The following RBMS3 variants were observed in gnomAD, a reference collection of about 807,000 sequenced individuals.
The protein encoded by RBMS3 is RNA binding motif single stranded interacting protein 3.
In RBMS3, 27 loss-of-function variants were observed where a neutral mutation model predicts 66.8. That is an observed-to-expected ratio of 0.40 (90% CI 0.30 to 0.56). The LOEUF (loss-of-function observed/expected upper bound fraction) is 0.56, where lower values mean the gene tolerates loss of function less well. Among genes scored for constraint, RBMS3 ranks in the 20% least tolerant of loss-of-function variants. The pLI is 0.40. For missense variants in RBMS3, 513 were observed against 549.5 expected (o/e 0.93, Z 0.66); for synonymous variants, 188 against 183.0 (o/e 1.03, Z -0.22).
chr3:29,833,607 T>G (rs151143763), intron 6 of RBMS3, among the ~76,000 whole-genome samples: 2 of 152,178 alleles, frequency 1.3e-5, no homozygotes, highest in African/African-American at 4.8e-5. Context: ...AACTTGAAGA[T>G]ATATCATTTG....
chr3:29,559,145 C>T (rs7653433), intron 3 of RBMS3, among the ~76,000 whole-genome samples: 1 of 151,898 alleles, frequency 6.6e-6, no homozygotes, highest in Non-Finnish European at 1.5e-5. Context: ...GTGATTATCT[C>T]TAGACTATAT....
chr3:29,826,974 A>G (rs538565879), intron 6 of RBMS3, among the ~76,000 whole-genome samples: 1 of 152,284 alleles, frequency 6.6e-6, no homozygotes, highest in South Asian at 2.1e-4. Flanking sequence ...GTTTGGTTGT[A>G]CAAGCCTTGA....
At position 29,839,595 on chromosome 3, in the gene RBMS3, A is replaced by G. The variant is rs543015359; in HGVS notation, c.638-29263A>G. Among the ~76,000 whole-genome samples, 4 of 151,776 alleles carry G rather than the reference A, an allele frequency of 2.6e-5. No homozygotes were observed. The East Asian group carries it at 7.7e-4, about 29-fold the overall frequency. ...CTCAGGAAAAAAAGAGAAAATAATAATAAAATAATAATTAGAATAATATTG... is the reference window on the plus strand; with the variant it reads ...CTCAGGAAAAAAAGAGAAAATAATAGTAAAATAATAATTAGAATAATATTG... On this transcript the variant is annotated intron_variant, in intron 6 of 14. Coordinates refer to ENST00000383767, the MANE Select transcript of RBMS3 (RefSeq NM_001003793.3).
At chr3:29,895,744 T>C (rs2149600181) in intron 8 of RBMS3, among the ~76,000 whole-genome samples, 1 of 151,622 alleles carries the variant, frequency 6.6e-6, no homozygotes, top group Non-Finnish European at 1.5e-5. Context: ...TAATTTTGGT[T>C]AGTATGGAGC....
At chr3:29,920,864 A>C (rs1396997040) in intron 10 of RBMS3, among the ~76,000 whole-genome samples, 1 of 151,952 alleles carries the variant, frequency 6.6e-6, no homozygotes, top group Non-Finnish European at 1.5e-5. Context: ...AAAAAAAAAA[A>C]AAAAAAAACC....
At chr3:29,682,089 C>T (rs376657812) in intron 4 of RBMS3, among the ~76,000 whole-genome samples, 18 of 152,304 alleles carry the variant, frequency 1.2e-4, no homozygotes, top group African/African-American at 4.3e-4. Context: ...CCACAACTTT[C>T]TTTGTGCTCA....
At chr3:29,459,312 G>A (rs965390732) in intron 2 of RBMS3, among the ~76,000 whole-genome samples, 12 of 152,132 alleles carry the variant, frequency 7.9e-5, no homozygotes, top group African/African-American at 4.8e-5. Flanking sequence ...AGAGGTAAGG[G>A]TTCTCTTCAT....
chr3:29,631,845 C>G (rs1428300379), intron 4 of RBMS3, among the ~76,000 whole-genome samples: 1 of 151,826 alleles, frequency 6.6e-6, no homozygotes, highest in East Asian at 1.9e-4. Flanking sequence ...GTTAACTTTT[C>G]AAAACTTCTT....
intron 4 of RBMS3, among the ~76,000 whole-genome samples, chr3:29,707,899 G>A (rs1199778533): frequency 6.6e-6 from 1 of 152,204 alleles, no homozygotes. Context: ...GATGCTTTCA[G>A]TGGACACTTT....
rs1204828585 is a variant in RBMS3 at position 29,582,165 on chromosome 3, G to GAT, written c.308-4947_308-4946dup. ...GAATTCCATTATAGATAGATAGATA[G>GAT]ATAGATAGATAGATAGATAGATAGA... is the stretch of plus-strand genomic sequence containing the variant. On this transcript the variant is annotated intron_variant, in intron 3 of 14. Coordinates refer to ENST00000383767, the MANE Select transcript of RBMS3 (RefSeq NM_001003793.3). 2.0e-5 allele frequency among the ~76,000 whole-genome samples: 3 copies of GAT among 149,688 alleles called. No homozygotes were observed. In the East Asian group the frequency reaches 6.2e-4, roughly 31 times the overall value.
At chr3:29,878,775 G>C (rs2059668846) in intron 7 of RBMS3, among the ~76,000 whole-genome samples, 1 of 152,052 alleles carries the variant, frequency 6.6e-6, no homozygotes, top group African/African-American at 2.4e-5. Context: ...AAACTCAAAA[G>C]TCATGCCTGT....
intron 3 of RBMS3, among the ~76,000 whole-genome samples, chr3:29,561,432 TTTGTTG>T (rs372349286): frequency 0.12 from 17,963 of 148,954 alleles, 1,212 homozygotes; most frequent in Admixed American, 0.19. Context: ...ATCTGTTGTT[TTTGTTG>T]TTGTTGTTGT....
intron 12 of RBMS3, among the ~76,000 whole-genome samples, chr3:29,962,689 A>C (rs527937200): frequency 6.6e-6 from 1 of 152,022 alleles, no homozygotes; most frequent in East Asian, 1.9e-4. Context: ...AGAGGATTAC[A>C]TCTTGCTTGG....
At chr3:29,316,218 C>A (rs947937126) in intron 1 of RBMS3, among the ~76,000 whole-genome samples, 2 of 151,646 alleles carry the variant, frequency 1.3e-5, no homozygotes, top group Non-Finnish European at 3.0e-5. Flanking sequence ...CTTCTTCTAG[C>A]CTATCACCCA....
At chr3:29,414,564 C>G (rs1370795) in intron 1 of RBMS3, among the ~76,000 whole-genome samples, 16,852 of 152,164 alleles carry the variant, frequency 0.11, 1,215 homozygotes, top group East Asian at 0.29. Context: ...GTTCTGACAA[C>G]GGATTGTATT....
chr3:29,753,470 A>C (rs2055271523), intron 5 of RBMS3, among the ~76,000 whole-genome samples: 1 of 152,198 alleles, frequency 6.6e-6, no homozygotes, highest in Admixed American at 6.5e-5. Context: ...CTCCACCTTC[A>C]AGTGTTCAAA....
chr3:29,667,416 C>T (rs1265905235), intron 4 of RBMS3, among the ~76,000 whole-genome samples: 1 of 152,104 alleles, frequency 6.6e-6, no homozygotes, highest in African/African-American at 2.4e-5. Flanking sequence ...ATTCTTGAAC[C>T]CTACCCCAAA....
At position 29,495,443 on chromosome 3, in the gene RBMS3, C is replaced by T. The variant is rs1350937568; in HGVS notation, c.307+6944C>T. Reference sequence around the variant, plus strand: ...TTTTTTTTTTTTTTTTTTTTTGAGACATAGTCTTCTTCTGTCACCCAGGCT... The same window carrying T: ...TTTTTTTTTTTTTTTTTTTTTGAGATATAGTCTTCTTCTGTCACCCAGGCT... On this transcript the variant is annotated intron_variant, in intron 3 of 14. Coordinates refer to ENST00000383767, the MANE Select transcript of RBMS3 (RefSeq NM_001003793.3). Among the ~76,000 whole-genome samples the T allele has an allele frequency of 9.0e-5, 10 of 111,234 alleles. No individual in the cohort carries two copies. In the Admixed American group the frequency reaches 1.0e-3, roughly 11 times the overall value. The allele number at this position is 111,234 out of a possible 152,430, so 73.0% of individuals were successfully genotyped here.
At position 29,835,882 on chromosome 3, in the gene RBMS3, C is replaced by T. The variant is rs960946944; in HGVS notation, c.638-32976C>T. ...AAACAAAATTGGCAAACCTTCACTACACTAAGGAAAAAAATACAGATTTAA... is the reference window on the plus strand; with the variant it reads ...AAACAAAATTGGCAAACCTTCACTATACTAAGGAAAAAAATACAGATTTAA... On this transcript the variant is annotated intron_variant, in intron 6 of 14. Coordinates refer to ENST00000383767, the MANE Select transcript of RBMS3 (RefSeq NM_001003793.3). Among the ~76,000 whole-genome samples the T allele has an allele frequency of 4.6e-5, 7 of 151,324 alleles. No homozygotes were observed. The East Asian group carries it at 1.4e-3, about 29-fold the overall frequency.
Sources: gnomAD v4.1 joint callset for allele counts (sites outside exome capture counted in the v4.1 genomes callset) on GRCh38, gnomAD v4.1.1 for gene constraint, MANE v1.5 for transcripts, NCBI Gene and HGNC (gene_info 2026-07-23, HGNC 2026-07-21) for gene names.